SPATA13: variants seen among roughly 807,000 people sequenced by gnomAD.
The protein encoded by SPATA13 is spermatogenesis-associated protein 13.
Under a neutral mutation model 104.0 loss-of-function variants are expected in SPATA13, and 50 were observed. That is an observed-to-expected ratio of 0.48 (90% CI 0.38 to 0.61). The LOEUF is 0.61. Ranked by LOEUF, SPATA13 falls within the 20% of genes least tolerant of loss-of-function variation. The probability of loss-of-function intolerance (pLI) is 0.00; values close to 1 mark genes in which losing one functional copy is unlikely to be tolerated. For missense variants in SPATA13, 1,524 were observed against 1,690.6 expected (o/e 0.90, Z 1.73); for synonymous variants, 606 against 667.5 (o/e 0.91, Z 1.42).
intron 1 of SPATA13, among the ~76,000 whole-genome samples, chr13:23,981,181 T>C (rs773443272): frequency 1.1e-4 from 16 of 152,238 alleles, no homozygotes; most frequent in Non-Finnish European, 1.6e-4. Flanking sequence ...AGCCTCATTT[T>C]ATTTCTATGG....
intron 1 of SPATA13, among the ~76,000 whole-genome samples, chr13:24,178,125 A>AT (rs1440808656): frequency 6.6e-6 from 1 of 152,202 alleles, no homozygotes; most frequent in Non-Finnish European, 1.5e-5. Context: ...AAGTGCTGGG[A>AT]TTACAGATGT....
At chr13:24,183,418 G>A (rs7333742) in intron 1 of SPATA13, among the ~76,000 whole-genome samples, 79,257 of 151,956 alleles carry the variant, frequency 0.52, 23,144 homozygotes, top group Non-Finnish European at 0.66. Flanking sequence ...ACAAAATAGC[G>A]TTGTGTTTAA....
At chr13:24,035,337 T>C (rs1217326895) in intron 3 of SPATA13, among the ~76,000 whole-genome samples, 1 of 152,192 alleles carries the variant, frequency 6.6e-6, no homozygotes, top group East Asian at 1.9e-4. Context: ...ATATTTTTAA[T>C]AGAGACAGGT....
chr13:24,303,003 C>G lies in SPATA13; in HGVS notation c.*230C>G. ...CAAAGCTTTATCCTACACAGAAACA[C>G]CCGTGACCCACTATGAGATGGCCCA... is the stretch of plus-strand genomic sequence containing the variant. On this transcript the variant is annotated 3_prime_UTR_variant, in exon 13 of 13. Transcript: ENST00000382108. The G allele has an allele frequency of 1.7e-6, 1 of 582,874 alleles. No homozygotes were observed. The highest frequency in any genetic ancestry group is 3.0e-5 in the East Asian group (1 of 33,282). The allele number at this position is 582,874 out of a possible 1,614,324, so 36.1% of individuals were successfully genotyped here. A position where few individuals can be genotyped will look rare whatever the true frequency, so the allele number is the denominator to read the frequency against.
intron 2 of SPATA13, among the ~76,000 whole-genome samples, chr13:24,238,363 G>A (rs1302191832): frequency 6.6e-6 from 1 of 152,008 alleles, no homozygotes; most frequent in East Asian, 1.9e-4. Flanking sequence ...TGCCATGTTG[G>A]CCAGGCTGGT....
Position 24,223,965 on chromosome 13 carries a change from G to A in SPATA13, c.1036G>A (p.Glu346Lys), listed in dbSNP as rs774049709. ...TAGGAGTGGGGCCCCATCCCCTGGA[G>A]AGGCCAGCCTGAGACTTCAGGCACA... is the stretch of plus-strand genomic sequence containing the variant. ...SPRSGAPSPG[E>K]ASLRLQAHSR... Residue 346 changes from glutamate (E) to lysine (K), a missense_variant, in exon 2 of 13, where the codon GAG becomes AAG. This residue lies in a region of SPATA13 where 1,089 missense variants were observed against 1,135.9 expected (regional missense o/e 0.96). Transcript: ENST00000382108. 9 of 1,549,506 alleles carry A rather than the reference G, an allele frequency of 5.8e-6. No individual in the cohort carries two copies. Among genetic ancestry groups the A allele is most frequent in the African/African-American group, 1.4e-5 (1 of 73,032 alleles).
intron 1 of SPATA13, among the ~76,000 whole-genome samples, chr13:24,167,710 T>C (rs1354544299): frequency 6.6e-6 from 1 of 152,254 alleles, no homozygotes; most frequent in African/African-American, 2.4e-5. Flanking sequence ...ATCTCTAGAC[T>C]TGGCCTTCTG....
intron 1 of SPATA13, among the ~76,000 whole-genome samples, chr13:24,173,180 C>T (rs575412232): frequency 2.3e-4 from 35 of 152,270 alleles, no homozygotes; most frequent in South Asian, 1.0e-3. Flanking sequence ...CGGGTTCAAG[C>T]GATTCTCCTG....
intron 3 of SPATA13, among the ~76,000 whole-genome samples, chr13:24,121,424 A>G (rs1463428707): frequency 6.6e-6 from 1 of 152,210 alleles, no homozygotes; most frequent in African/African-American, 2.4e-5. Context: ...TTTTATACAT[A>G]GGCTAGCAGG....
chr13:24,077,833 G>A (rs557756848), intron 3 of SPATA13, among the ~76,000 whole-genome samples: 19 of 152,108 alleles, frequency 1.2e-4, no homozygotes, highest in Admixed American at 1.1e-3. Flanking sequence ...TTGAAACCTC[G>A]GGAGGTGGTC....
chr13:24,178,575 T>C (rs760917109), intron 1 of SPATA13, among the ~76,000 whole-genome samples: 2 of 152,168 alleles, frequency 1.3e-5, no homozygotes, highest in Non-Finnish European at 1.5e-5. Context: ...GCTAGGAAGG[T>C]ATTATTATCT....
At chr13:24,132,335 G>C (rs892918649) in intron 3 of SPATA13, among the ~76,000 whole-genome samples, 2 of 152,226 alleles carry the variant, frequency 1.3e-5, no homozygotes, top group East Asian at 1.9e-4. Flanking sequence ...TCATGCTCAG[G>C]CTTCAGTTTC....
intron 3 of SPATA13, chr13:24,122,754 A>G: frequency 1.2e-6 from 1 of 826,612 alleles, no homozygotes; most frequent in Non-Finnish European, 2.2e-6. Flanking sequence ...ATCTTGCTGG[A>G]AGACTTCAAA....
intron 3 of SPATA13, among the ~76,000 whole-genome samples, chr13:24,036,120 A>G (rs992715979): frequency 6.6e-6 from 1 of 152,236 alleles, no homozygotes; most frequent in African/African-American, 2.4e-5. Flanking sequence ...AGAAATTAAA[A>G]TTGAGAAGTT....
At chr13:24,276,287 G>A (rs1874977850) in intron 4 of SPATA13, among the ~76,000 whole-genome samples, 1 of 152,176 alleles carries the variant, frequency 6.6e-6, no homozygotes, top group Non-Finnish European at 1.5e-5. Context: ...AAAAATCAAT[G>A]GAAGTGCTAA....
At chr13:24,235,250 C>T (rs1004783083) in intron 2 of SPATA13, among the ~76,000 whole-genome samples, 2 of 152,110 alleles carry the variant, frequency 1.3e-5, no homozygotes, top group African/African-American at 4.8e-5. Context: ...AATTAGAGTC[C>T]CTGAGGTTTA....
chr13:24,218,042 T>C (rs1387412332), intron 1 of SPATA13, among the ~76,000 whole-genome samples: 1 of 152,180 alleles, frequency 6.6e-6, no homozygotes, highest in Admixed American at 6.5e-5. Flanking sequence ...GTGAGGATCA[T>C]GACAAATAGC....
intron 1 of SPATA13, among the ~76,000 whole-genome samples, chr13:24,218,792 T>C (rs906527267): frequency 6.6e-6 from 1 of 151,776 alleles, no homozygotes; most frequent in African/African-American, 2.4e-5. Context: ...ATTCTTTCAA[T>C]GTGACCCAGG....
At chr13:24,207,336 T>TC (rs1870759083) in intron 1 of SPATA13, among the ~76,000 whole-genome samples, 1 of 152,298 alleles carries the variant, frequency 6.6e-6, no homozygotes, top group Non-Finnish European at 1.5e-5. Context: ...TTTACCTAGG[T>TC]AACAAATCTG....
Sources: gnomAD v4.1 joint callset for allele counts (sites outside exome capture counted in the v4.1 genomes callset) on GRCh38, gnomAD v4.1.1 for gene constraint, gnomAD v4.1.1 regional missense constraint, MANE v1.5 for transcripts, NCBI Gene and HGNC (gene_info 2026-07-23, HGNC 2026-07-21) for gene names.